PEX5L: variants seen among roughly 807,000 people sequenced by gnomAD.
PEX5L encodes PEX5-related protein.
A neutral mutation model predicts 84.0 loss-of-function variants in PEX5L; 30 were observed. The ratio of observed to expected loss-of-function variants is 0.36; its 90% CI spans 0.27 to 0.48. The LOEUF (loss-of-function observed/expected upper bound fraction) is 0.48. PEX5L is among the 20% of genes least tolerant of loss of function. PEX5L has a pLI of 0.99. For missense variants in PEX5L, 533 were observed against 754.6 expected (o/e 0.71, Z 3.44); for synonymous variants, 270 against 283.1 (o/e 0.95, Z 0.46).
chr3:179,884,979 T>G (rs1281748135), intron 4 of PEX5L, among the ~76,000 whole-genome samples: 1 of 150,744 alleles, frequency 6.6e-6, no homozygotes, highest in Non-Finnish European at 1.5e-5. Context: ...ATTTTTTTTA[T>G]TTTGTATTGA....
At chr3:179,936,456 A>G (rs1317018471) in intron 2 of PEX5L, among the ~76,000 whole-genome samples, 1 of 152,222 alleles carries the variant, frequency 6.6e-6, no homozygotes, top group East Asian at 1.9e-4. Flanking sequence ...AGTGCCTGGC[A>G]TTTAGGAAAT....
At chr3:179,846,194 G>C (rs1214210523) in intron 8 of PEX5L, among the ~76,000 whole-genome samples, 5 of 151,726 alleles carry the variant, frequency 3.3e-5, no homozygotes, top group Admixed American at 1.3e-4. Flanking sequence ...AACTATGATA[G>C]TTAGTTTTTA....
At chr3:179,834,282 G>A (rs1354390858) in intron 8 of PEX5L, among the ~76,000 whole-genome samples, 1 of 152,238 alleles carries the variant, frequency 6.6e-6, no homozygotes, top group African/African-American at 2.4e-5. Flanking sequence ...GAGTGAGGCC[G>A]CCTGGAGCCA....
intron 11 of PEX5L, among the ~76,000 whole-genome samples, chr3:179,810,602 G>C (rs1008336705): frequency 1.3e-5 from 2 of 152,142 alleles, no homozygotes; most frequent in Non-Finnish European, 2.9e-5. Flanking sequence ...GATTGTGCAG[G>C]TTTGACAAGT....
chr3:179,922,510 G>A (rs986708814), intron 2 of PEX5L, among the ~76,000 whole-genome samples: 4 of 149,138 alleles, frequency 2.7e-5, no homozygotes, highest in Non-Finnish European at 5.9e-5. Context: ...GTGCAGTGGC[G>A]CGGTCTCGGC....
intron 1 of PEX5L, among the ~76,000 whole-genome samples, chr3:180,009,392 T>TC (rs1327374710): frequency 3.3e-5 from 5 of 152,196 alleles, no homozygotes; most frequent in Non-Finnish European, 7.3e-5. Flanking sequence ...TACTCTCTTA[T>TC]CACTTATTAG....
intron 2 of PEX5L, among the ~76,000 whole-genome samples, chr3:179,912,686 C>T (rs528122278): frequency 6.6e-6 from 1 of 152,020 alleles, no homozygotes; most frequent in African/African-American, 2.4e-5. Flanking sequence ...TCTCCACTCC[C>T]CTATTAACAA....
intron 14 of PEX5L, among the ~76,000 whole-genome samples, chr3:179,802,881 G>A (rs1457528289): frequency 6.6e-6 from 1 of 151,204 alleles, no homozygotes; most frequent in African/African-American, 2.4e-5. Context: ...TTTTTCCAAG[G>A]ATTACTTTCC....
intron 2 of PEX5L, among the ~76,000 whole-genome samples, chr3:179,924,871 T>C (rs1426934135): frequency 6.6e-6 from 1 of 152,194 alleles, no homozygotes; most frequent in Non-Finnish European, 1.5e-5. Context: ...AGCAAATGAA[T>C]TTTTAAAAAG....
chr3:179,820,080 A>C (rs1048572497), intron 8 of PEX5L, 104 bp from the exon 9 acceptor site: 1 of 1,532,706 alleles, frequency 6.5e-7, no homozygotes, highest in Admixed American at 1.9e-5. Flanking sequence ...GGGGAGGAAT[A>C]AAATGGCTGA....
At chr3:179,856,819 G>A (rs1744157760) in intron 8 of PEX5L, among the ~76,000 whole-genome samples, 1 of 152,156 alleles carries the variant, frequency 6.6e-6, no homozygotes, top group South Asian at 2.1e-4. Flanking sequence ...CTGATTTGCT[G>A]GGAATTCTGT....
At position 179,835,062 on chromosome 3, in the gene PEX5L, G is replaced by C. The variant is rs182351442; in HGVS notation, c.823-15086C>G. Among the ~76,000 whole-genome samples the C allele has an allele frequency of 1.8e-4, 28 of 152,296 alleles. No homozygotes were observed. The East Asian group carries it at 5.4e-3, about 29-fold the overall frequency. On this transcript the variant is annotated intron_variant, in intron 8 of 14. Coordinates refer to ENST00000467460, the MANE Select transcript of PEX5L (RefSeq NM_016559.3). ...TGGAGTGGTGTGGCTACAAACTAAA[G>C]AGCACCAGGTTCCTGGGGCTACAGA...
At chr3:180,019,282 C>T (rs1469065701) in intron 1 of PEX5L, among the ~76,000 whole-genome samples, 2 of 152,138 alleles carry the variant, frequency 1.3e-5, no homozygotes, top group South Asian at 2.1e-4. Flanking sequence ...CTCATATAAT[C>T]GTGCTTACTT....
Position 179,801,729 on chromosome 3 carries a change from T to G in PEX5L, c.*99A>C, listed in dbSNP as rs576087941. 1 of 857,062 alleles carries G rather than the reference T, an allele frequency of 1.2e-6. No homozygotes were observed. The highest frequency in any genetic ancestry group is 1.7e-5 in the African/African-American group (1 of 59,546). The allele number at this position is 857,062 out of a possible 1,614,324, so 53.1% of individuals were successfully genotyped here. A position where few individuals can be genotyped will look rare whatever the true frequency, so the allele number is the denominator to read the frequency against. ...GGCTATATGACCATGGCCTTTTGAATATTTGATTTATCCTTTTGAAATTCA... is the reference window on the plus strand; with the variant it reads ...GGCTATATGACCATGGCCTTTTGAAGATTTGATTTATCCTTTTGAAATTCA... On this transcript the variant is annotated 3_prime_UTR_variant, in exon 15 of 15. Coordinates refer to ENST00000467460, the MANE Select transcript of PEX5L (RefSeq NM_016559.3).
In PEX5L at chr3:179,954,979, G is replaced by A. The variant is rs1780123724; in HGVS notation, c.93+16615C>T. 4.0e-5 allele frequency among the ~76,000 whole-genome samples: 6 copies of A among 151,822 alleles called. No homozygotes were observed. The South Asian group carries it at 1.0e-3, about 26-fold the overall frequency. On this transcript the variant is annotated intron_variant, in intron 2 of 14. Coordinates refer to ENST00000467460, the MANE Select transcript of PEX5L (RefSeq NM_016559.3). ...ATTCAACTCTTCAGTCTCATCTACA[G>A]TGTCTATATTTGTGTTTTAAATGAC...
rs1021705799 is a variant in PEX5L at position 180,036,676 on chromosome 3, G to T, written c.-77C>A. 1.4e-4 allele frequency: 217 copies of T among 1,514,926 alleles called. No homozygotes were observed. Among genetic ancestry groups the T allele is most frequent in the Non-Finnish European group, 4.2e-5 (46 of 1,089,686 alleles). The allele number at this position is 1,514,926 out of a possible 1,614,324, so 93.8% of individuals were successfully genotyped here. ...GTGCTTACTTGCCCACCAAAAGAGG[G>T]GAAAAGGTGGGTGCACAGCGGGTTC... On this transcript the variant is annotated 5_prime_UTR_variant, in exon 1 of 15. Coordinates refer to ENST00000467460, the MANE Select transcript of PEX5L (RefSeq NM_016559.3).
At chr3:180,016,652 A>G (rs1421395386) in intron 1 of PEX5L, among the ~76,000 whole-genome samples, 1 of 152,222 alleles carries the variant, frequency 6.6e-6, no homozygotes, top group African/African-American at 2.4e-5. Flanking sequence ...CCTGACCTTG[A>G]CCTTCACCCA....
At chr3:179,971,530 A>G in intron 2 of PEX5L, 64 bp downstream of exon 2, 3 of 1,518,382 alleles carry the variant, frequency 2.0e-6, no homozygotes, top group Non-Finnish European at 2.6e-6. Context: ...CTGAACACTC[A>G]AAAGGCTTTA....
chr3:179,805,555 T>C (rs913643967), intron 14 of PEX5L, among the ~76,000 whole-genome samples: 18 of 152,236 alleles, frequency 1.2e-4, no homozygotes, highest in Non-Finnish European at 2.9e-5. Context: ...AGTTGTGTTT[T>C]TTAAGAAATG....
Sources: allele counts gnomAD v4.1 joint callset (sites outside exome capture counted in the v4.1 genomes callset), GRCh38; gene constraint gnomAD v4.1.1; transcripts MANE v1.5; gene names NCBI Gene and HGNC (gene_info 2026-07-23, HGNC 2026-07-21).